The following CORIN variants were observed in gnomAD, a reference collection of about 807,000 sequenced individuals.
CORIN encodes atrial natriuretic peptide-converting enzyme.
A neutral mutation model predicts 125.3 loss-of-function variants in CORIN; 117 were observed. The ratio of observed to expected loss-of-function variants is 0.93; its 90% CI spans 0.80 to 1.09. The LOEUF (loss-of-function observed/expected upper bound fraction) is 1.09. CORIN is among the 50% of genes least tolerant of loss of function. CORIN has a pLI of 0.00. For synonymous variants in CORIN, 450 were observed against 466.4 expected (o/e 0.96, Z 0.45); for missense variants, 1,253 against 1,306.7 (o/e 0.96, Z 0.63).
chr4:47,747,313 A>G (rs2109842109), intron 4 of CORIN, among the ~76,000 whole-genome samples: 1 of 152,312 alleles, frequency 6.6e-6, no homozygotes, highest in Non-Finnish European at 1.5e-5. Context: ...TGCATCTTTA[A>G]AAGAAGACTG....
At chr4:47,638,576 T>C (rs1479334034) in intron 16 of CORIN, among the ~76,000 whole-genome samples, 1 of 152,134 alleles carries the variant, frequency 6.6e-6, no homozygotes, top group East Asian at 1.9e-4. Context: ...AATGGGAGTT[T>C]CCCCACACAA....
intron 5 of CORIN, among the ~76,000 whole-genome samples, chr4:47,725,252 T>A (rs1727535552): frequency 6.6e-6 from 1 of 152,150 alleles, no homozygotes; most frequent in African/African-American, 2.4e-5. Context: ...AACACTTTTT[T>A]TTTTGTAGAC....
intron 4 of CORIN, among the ~76,000 whole-genome samples, chr4:47,751,913 G>C (rs1398456844): frequency 6.6e-6 from 1 of 152,138 alleles, no homozygotes; most frequent in Non-Finnish European, 1.5e-5. Context: ...AGCTGAGATA[G>C]AGCTAGTTCC....
chr4:47,625,424 A>AT (rs1722513889), intron 17 of CORIN, among the ~76,000 whole-genome samples: 1 of 151,648 alleles, frequency 6.6e-6, no homozygotes, highest in Non-Finnish European at 1.5e-5. Context: ...TCTAGAATGC[A>AT]TTATTTATTT....
At chr4:47,695,125 C>G (rs78616972) in intron 5 of CORIN, among the ~76,000 whole-genome samples, 3,350 of 152,124 alleles carry the variant, frequency 0.022, 122 homozygotes, top group African/African-American at 0.076. Context: ...CACTCCTATA[C>G]CTACAAATAC....
At chr4:47,626,598 A>G in intron 16 of CORIN, 77 bp from the exon 17 acceptor site, 1 of 900,254 alleles carries the variant, frequency 1.1e-6, no homozygotes, top group Non-Finnish European at 1.9e-6. Context: ...TTTAGCACTC[A>G]TTCCCTTTCA....
At chr4:47,718,284 C>T (rs1577858680) in intron 5 of CORIN, among the ~76,000 whole-genome samples, 2 of 152,144 alleles carry the variant, frequency 1.3e-5, no homozygotes, top group Admixed American at 6.6e-5. Flanking sequence ...TTCAATGACC[C>T]TATTTTCTTC....
At chr4:47,786,025 C>T (rs1272664089) in intron 3 of CORIN, among the ~76,000 whole-genome samples, 2 of 150,810 alleles carry the variant, frequency 1.3e-5, no homozygotes, top group African/African-American at 4.9e-5. Context: ...AGTGACTTAA[C>T]TTACTTATTA....
At chr4:47,683,056 C>G (rs1167126840) in intron 7 of CORIN, 1 of 152,166 alleles carries the variant, frequency 6.6e-6, no homozygotes, top group Non-Finnish European at 1.5e-5. Flanking sequence ...CCCTTTTGTT[C>G]ATGTTGCAAA....
intron 2 of CORIN, among the ~76,000 whole-genome samples, chr4:47,796,390 T>C (rs1365934935): frequency 6.6e-6 from 1 of 152,002 alleles, no homozygotes; most frequent in African/African-American, 2.4e-5. Flanking sequence ...AATAGATTCA[T>C]AGAAGCAGAA....
intron 3 of CORIN, among the ~76,000 whole-genome samples, chr4:47,781,006 G>A (rs73150665): frequency 5.7e-4 from 86 of 149,566 alleles, no homozygotes; most frequent in African/African-American, 2.0e-3. Context: ...CAGTAATCCA[G>A]GAAATGAGGG....
intron 5 of CORIN, among the ~76,000 whole-genome samples, chr4:47,694,426 T>A (rs1725896221): frequency 6.6e-6 from 1 of 152,042 alleles, no homozygotes; most frequent in Admixed American, 6.6e-5. Flanking sequence ...TTCAAAAATC[T>A]CCTTCTGTCT....
chr4:47,777,943 A>G (rs1730370911), intron 3 of CORIN, among the ~76,000 whole-genome samples: 2 of 152,258 alleles, frequency 1.3e-5, no homozygotes, highest in Non-Finnish European at 2.9e-5. Context: ...AAGATTACAT[A>G]CAGTGCCAAT....
At chr4:47,673,098 C>T (rs534478317) in intron 10 of CORIN, among the ~76,000 whole-genome samples, 5 of 152,042 alleles carry the variant, frequency 3.3e-5, no homozygotes, top group South Asian at 4.2e-4. Context: ...CAGTGGCTCG[C>T]GCCTGTAAGG....
intron 1 of CORIN, among the ~76,000 whole-genome samples, chr4:47,814,947 G>A (rs1254529507): frequency 6.6e-6 from 1 of 152,114 alleles, no homozygotes; most frequent in African/African-American, 2.4e-5. Flanking sequence ...TCAATATGGA[G>A]ACTAAATACC....
chr4:47,683,880 C>T (rs1434152916), intron 6 of CORIN, 42 bp from the exon 7 acceptor site: 2 of 1,426,132 alleles, frequency 1.4e-6, no homozygotes, highest in Non-Finnish European at 2.0e-6. Context: ...CAGAGCCATA[C>T]AGAATGCTAT....
At chr4:47,788,146 G>A (rs528306364) in intron 2 of CORIN, among the ~76,000 whole-genome samples, 11 of 152,218 alleles carry the variant, frequency 7.2e-5, no homozygotes, top group Middle Eastern at 3.4e-3. Flanking sequence ...TTGACCCATC[G>A]ATAGAAAGAG....
chr4:47,788,735 T>C (rs910583959), intron 2 of CORIN, among the ~76,000 whole-genome samples: 9 of 152,248 alleles, frequency 5.9e-5, no homozygotes, highest in Non-Finnish European at 1.5e-5. Context: ...ATATTTATGC[T>C]AATGTGGTTG....
chr4:47,713,291 G>A (rs1726934710), intron 5 of CORIN, among the ~76,000 whole-genome samples: 1 of 152,164 alleles, frequency 6.6e-6, no homozygotes, highest in Admixed American at 6.5e-5. Flanking sequence ...CAACAGAAAA[G>A]TAAGAAGTAG....
Sources: gnomAD v4.1 joint callset for allele counts (sites outside exome capture counted in the v4.1 genomes callset) on GRCh38, gnomAD v4.1.1 for gene constraint, MANE v1.5 for transcripts, NCBI Gene and HGNC (gene_info 2026-07-23, HGNC 2026-07-21) for gene names.